CLCN6: variants seen among roughly 807,000 people sequenced by gnomAD.
CLCN6 encodes the protein H(+)/Cl(-) exchange transporter 6.
In CLCN6, 70 loss-of-function variants were observed where a neutral mutation model predicts 109.8. That is an observed-to-expected ratio of 0.64 (90% CI 0.53 to 0.78). The LOEUF (loss-of-function observed/expected upper bound fraction) is 0.78. Ranked by LOEUF, CLCN6 falls within the 30% of genes least tolerant of loss-of-function variation. The pLI is 0.00. For missense variants in CLCN6, 984 were observed against 1,142.3 expected (o/e 0.86, Z 2.00); for synonymous variants, 444 against 447.8 (o/e 0.99, Z 0.11).
chr1:11,807,257 A>T (rs2100596369), intron 2 of CLCN6, 67 bp downstream of exon 2: 1 of 1,387,392 alleles, frequency 7.2e-7, no homozygotes, highest in East Asian at 2.3e-5. Context: ...AGGCCGAAGC[A>T]TTATGATTCC....
Position 11,828,455 on chromosome 1 carries a change from C to T in CLCN6, c.955-3C>T, listed in dbSNP as rs1644839992. ...TCTCCCTCTCCCTTTCCCCTTCTCTCAGTGCTCTGACTCTGATAAAAAATG... is the reference window on the plus strand; with the variant it reads ...TCTCCCTCTCCCTTTCCCCTTCTCTTAGTGCTCTGACTCTGATAAAAAATG... On this transcript the variant is annotated splice_region_variant and splice_polypyrimidine_tract_variant and intron_variant, in intron 11 of 22. Coordinates refer to ENST00000346436, the MANE Select transcript of CLCN6 (RefSeq NM_001286.5). 1.2e-6 allele frequency: 2 copies of T among 1,614,142 alleles called. No individual in the cohort carries two copies. Among genetic ancestry groups the T allele is most frequent in the African/African-American group, 2.7e-5 (2 of 75,044 alleles).
intron 5 of CLCN6, 38 bp from the exon 6 acceptor site, chr1:11,822,657 C>T (rs776427405): frequency 7.4e-5 from 95 of 1,277,858 alleles, no homozygotes; most frequent in Non-Finnish European, 9.9e-5. Flanking sequence ...GGACACCCCT[C>T]GGCTGATGAA....
rs990636183 is a variant in CLCN6 at position 11,834,764 on chromosome 1, C to T, written c.1793+174C>T. Among the ~76,000 whole-genome samples the T allele has an allele frequency of 1.3e-5, 2 of 152,062 alleles. No individual in the cohort carries two copies. Among genetic ancestry groups the T allele is most frequent in the African/African-American group, 4.8e-5 (2 of 41,400 alleles). On this transcript the variant is annotated intron_variant, in intron 17 of 22. Coordinates refer to ENST00000346436, the MANE Select transcript of CLCN6 (RefSeq NM_001286.5). This position sits in a 1 kb window ranked among gnomAD's most constrained non-coding sequence, Gnocchi z 4.5. ...GGAGCAGCCCATGGGCTGGGGGCTG[C>T]GGGGGCAGGGCAGGGGACACGGGCA...
intron 5 of CLCN6, among the ~76,000 whole-genome samples, chr1:11,821,069 T>C (rs557303036): frequency 1.4e-5 from 2 of 138,428 alleles, no homozygotes; most frequent in South Asian, 4.7e-4. Flanking sequence ...AGAGCAAAAC[T>C]GTCTCAAAAA....
intron 13 of CLCN6, among the ~76,000 whole-genome samples, chr1:11,829,639 G>A (rs1387465249): frequency 4.3e-5 from 6 of 140,064 alleles, no homozygotes; most frequent in South Asian, 2.4e-4. Context: ...CAACCCTGGC[G>A]TCACAGAGGG....
At chr1:11,816,519 G>C in intron 3 of CLCN6, 96 bp from the exon 4 acceptor site, 1 of 1,107,652 alleles carries the variant, frequency 9.0e-7, no homozygotes. Context: ...TGCTCTCCAC[G>C]TGGAATTTAG....
intron 5 of CLCN6, among the ~76,000 whole-genome samples, chr1:11,821,915 G>A (rs1644748868): frequency 6.6e-6 from 1 of 152,008 alleles, no homozygotes; most frequent in Non-Finnish European, 1.5e-5. Flanking sequence ...GAACCACAGA[G>A]TTGTGTGTAT....
At position 11,842,197 on chromosome 1, in the gene CLCN6, A is replaced by G. The variant is rs1208497411; in HGVS notation, c.*1974A>G. The G allele has an allele frequency of 6.6e-6, 1 of 152,258 alleles. No homozygotes were observed. Among genetic ancestry groups the G allele is most frequent in the Non-Finnish European group, 1.5e-5 (1 of 68,044 alleles). 9.4% of individuals were successfully genotyped at this position (152,258 alleles called of 1,614,324 possible). On this transcript the variant is annotated 3_prime_UTR_variant, in exon 23 of 23. Coordinates refer to ENST00000346436, the MANE Select transcript of CLCN6 (RefSeq NM_001286.5). ...AGGACCCCGGCCTCTCGAGGGCTGG[A>G]TCAGCAGCCGCCTGCCCTGAGGCTG...
intron 18 of CLCN6, 80 bp downstream of exon 18, chr1:11,836,233 C>T: frequency 1.5e-6 from 2 of 1,375,446 alleles, no homozygotes; most frequent in Non-Finnish European, 2.0e-6. Flanking sequence ...TTGCCCACCC[C>T]TGGCTGGGGT....
intron 4 of CLCN6, 131 bp downstream of exon 4, chr1:11,816,811 G>T: frequency 1.8e-6 from 1 of 553,946 alleles, no homozygotes; most frequent in South Asian, 2.9e-5. Flanking sequence ...AATAACACTT[G>T]TCATTATAAT....
At chr1:11,817,212 C>T (rs1644684681) in intron 4 of CLCN6, among the ~76,000 whole-genome samples, 1 of 152,168 alleles carries the variant, frequency 6.6e-6, no homozygotes, top group Admixed American at 6.5e-5. Flanking sequence ...CCTACCTCAG[C>T]CTCCCGAGTG....
intron 20 of CLCN6, 148 bp from the exon 21 acceptor site, chr1:11,838,187 C>G: frequency 1.4e-6 from 1 of 717,066 alleles, no homozygotes; most frequent in Non-Finnish European, 2.4e-6. Context: ...GACTGGAGAG[C>G]TCTCACTCTG....
intron 12 of CLCN6, 129 bp from the exon 13 acceptor site, chr1:11,829,067 G>T: frequency 9.3e-7 from 1 of 1,072,910 alleles, no homozygotes. Context: ...CACACATGTT[G>T]ACTGACCAGG....
chr1:11,808,845 CTATTTCTTTT>C (rs936948194), intron 2 of CLCN6, among the ~76,000 whole-genome samples: 3 of 151,756 alleles, frequency 2.0e-5, no homozygotes, highest in Admixed American at 6.6e-5. Flanking sequence ...GTGTTTTGTT[CTATTTCTTTT>C]TTTTTCTTTT....
chr1:11,826,065 T>G, intron 8 of CLCN6, 91 bp from the exon 9 acceptor site: 1 of 995,078 alleles, frequency 1.0e-6, no homozygotes, highest in African/African-American at 1.7e-5. Context: ...CTGACCTGTG[T>G]TCTTTTTTTT....
At chr1:11,827,430 CTTTTTTT>C (rs59015951) in intron 10 of CLCN6, among the ~76,000 whole-genome samples, 20 of 105,026 alleles carry the variant, frequency 1.9e-4, no homozygotes, top group African/African-American at 6.4e-4. Context: ...ACCGCTGTTA[CTTTTTTT>C]TTTTTTTTTT....
Position 11,842,343 on chromosome 1 carries a change from C to T in CLCN6, c.*2120C>T, listed in dbSNP as rs1367792035. ...ACAGTAGAATGCAAATACCTCCCTC[C>T]CCTAAACTGACTGGACGGCTGCCAA... On this transcript the variant is annotated 3_prime_UTR_variant, in exon 23 of 23. Coordinates refer to ENST00000346436, the MANE Select transcript of CLCN6 (RefSeq NM_001286.5). 6.5e-6 allele frequency: 1 copy of T among 152,716 alleles called. No individual in the cohort carries two copies. The highest frequency in any genetic ancestry group is 1.5e-5 in the Non-Finnish European group (1 of 68,080). 9.5% of individuals were successfully genotyped at this position (152,716 alleles called of 1,614,324 possible). A position where few individuals can be genotyped will look rare whatever the true frequency, so the allele number is the denominator to read the frequency against.
Position 11,841,688 on chromosome 1 carries a change from T to A in CLCN6, c.*1465T>A, listed in dbSNP as rs893274484. The A allele has an allele frequency of 6.6e-5, 10 of 152,278 alleles. No individual in the cohort carries two copies. The highest frequency in any genetic ancestry group is 2.4e-4 in the African/African-American group (10 of 41,460). 9.4% of individuals were successfully genotyped at this position (152,278 alleles called of 1,614,324 possible). On this transcript the variant is annotated 3_prime_UTR_variant, in exon 23 of 23. Coordinates refer to ENST00000346436, the MANE Select transcript of CLCN6 (RefSeq NM_001286.5). ...CAGGCCCAGCCCTGGGCGACCTCCT[T>A]GGCCAAGTCTGCCTTTCACCCTGGG...
At chr1:11,822,371 A>G (rs141709557) in intron 5 of CLCN6, among the ~76,000 whole-genome samples, 214 of 152,074 alleles carry the variant, frequency 1.4e-3, no homozygotes, top group Non-Finnish European at 2.8e-3. Flanking sequence ...CGATCCTCCC[A>G]CCTCAGCTTC....
Sources: allele counts gnomAD v4.1 joint callset (sites outside exome capture counted in the v4.1 genomes callset), GRCh38; gene constraint gnomAD v4.1.1; non-coding constraint Gnocchi (gnomAD v3.1); transcripts MANE v1.5; gene names NCBI Gene and HGNC (gene_info 2026-07-23, HGNC 2026-07-21).